The following COL25A1 variants were observed in gnomAD, a reference collection of about 807,000 sequenced individuals.
COL25A1 encodes the protein collagen type XXV alpha 1 chain, also known as collagen alpha-1(XXV) chain.
In COL25A1, 103 loss-of-function variants were observed where a neutral mutation model predicts 128.4. The ratio of observed to expected loss-of-function variants is 0.80; its 90% CI spans 0.68 to 0.94. The LOEUF is 0.94. Among genes scored for constraint, COL25A1 ranks in the 40% least tolerant of loss-of-function variants. The pLI is 0.00. For missense variants in COL25A1, 745 were observed against 840.0 expected (o/e 0.89, Z 1.40); for synonymous variants, 279 against 277.2 (o/e 1.01, Z -0.06).
At chr4:109,194,012 T>G (rs1008940882) in intron 3 of COL25A1, among the ~76,000 whole-genome samples, 1 of 152,212 alleles carries the variant, frequency 6.6e-6, no homozygotes, top group Non-Finnish European at 1.5e-5. Flanking sequence ...ACCATTCTCT[T>G]TATTTAAAAA....
chr4:108,897,312 CT>C (rs1331249638), intron 15 of COL25A1, among the ~76,000 whole-genome samples: 2 of 152,124 alleles, frequency 1.3e-5, no homozygotes, highest in Non-Finnish European at 2.9e-5. Context: ...ATAGTTTATG[CT>C]TTTTTTGTTG....
intron 6 of COL25A1, among the ~76,000 whole-genome samples, chr4:109,001,407 A>G (rs1755380124): frequency 1.3e-5 from 2 of 152,292 alleles, no homozygotes; most frequent in Non-Finnish European, 2.9e-5. Context: ...GGCATCTGAG[A>G]TCCTGTCAGG....
At chr4:108,921,737 C>T (rs1346632758) in intron 11 of COL25A1, among the ~76,000 whole-genome samples, 1 of 152,158 alleles carries the variant, frequency 6.6e-6, no homozygotes, top group African/African-American at 2.4e-5. Context: ...CTAACAGTTT[C>T]CTCATATAAT....
intron 3 of COL25A1, among the ~76,000 whole-genome samples, chr4:109,290,590 G>C (rs537630485): frequency 6.6e-6 from 1 of 152,126 alleles, no homozygotes; most frequent in South Asian, 2.1e-4. Flanking sequence ...ATGTCTATAG[G>C]GGTTGGGAAG....
intron 3 of COL25A1, among the ~76,000 whole-genome samples, chr4:109,126,943 ACTT>A (rs1768681779): frequency 6.6e-6 from 1 of 152,034 alleles, no homozygotes; most frequent in African/African-American, 2.4e-5. Context: ...GTCTCTCTTT[ACTT>A]CTTCACTTCC....
chr4:109,128,949 T>G (rs1768897358), intron 3 of COL25A1, among the ~76,000 whole-genome samples: 1 of 152,180 alleles, frequency 6.6e-6, no homozygotes, highest in African/African-American at 2.4e-5. Flanking sequence ...GTCAGGAATT[T>G]CTGAACTGAA....
intron 11 of COL25A1, among the ~76,000 whole-genome samples, chr4:108,934,498 A>C (rs1271021309): frequency 1.3e-5 from 2 of 152,088 alleles, no homozygotes; most frequent in East Asian, 3.9e-4. Context: ...AATAATAATA[A>C]AAGAGAAAAA....
At chr4:108,942,106 A>C in intron 8 of COL25A1, 1 of 1,144,542 alleles carries the variant, frequency 8.7e-7, no homozygotes, top group Non-Finnish European at 1.3e-6. Flanking sequence ...GATATATACC[A>C]TGAGAGGAAG....
chr4:109,261,291 C>T (rs1244912112), intron 3 of COL25A1, among the ~76,000 whole-genome samples: 2 of 152,016 alleles, frequency 1.3e-5, no homozygotes, highest in African/African-American at 2.4e-5. Context: ...GGCAGGCAAG[C>T]GGGTCACTTG....
At chr4:109,214,551 A>T (rs923256163) in intron 3 of COL25A1, among the ~76,000 whole-genome samples, 9 of 151,962 alleles carry the variant, frequency 5.9e-5, no homozygotes, top group African/African-American at 2.2e-4. Context: ...TTAAATATAC[A>T]TTTTTTTATT....
chr4:108,847,977 A>G (rs1735310519), intron 27 of COL25A1, among the ~76,000 whole-genome samples: 1 of 152,134 alleles, frequency 6.6e-6, no homozygotes. Flanking sequence ...AAGATCTTGA[A>G]ATTAACCCTT....
Position 108,869,551 on chromosome 4 carries a change from G to A in COL25A1, c.1021-401C>T, listed in dbSNP as rs542088264. ...CCTTAAATCTGTTTGATACCAACCA[G>A]GGGAGTTAGTGCCAGAATAGGATCG... On this transcript the variant is annotated intron_variant, in intron 19 of 37. Transcript: ENST00000399132. Among the ~76,000 whole-genome samples the A allele has an allele frequency of 2.5e-4, 38 of 152,244 alleles. No homozygotes were observed. The South Asian group carries it at 7.9e-3, about 32-fold the overall frequency.
intron 23 of COL25A1, among the ~76,000 whole-genome samples, chr4:108,860,575 T>C (rs1737081957): frequency 6.6e-6 from 1 of 151,692 alleles, no homozygotes; most frequent in African/African-American, 2.4e-5. Flanking sequence ...ATAATTCCCT[T>C]TTTTTTTAAA....
At chr4:109,142,972 G>C (rs962382730) in intron 3 of COL25A1, among the ~76,000 whole-genome samples, 5 of 152,030 alleles carry the variant, frequency 3.3e-5, no homozygotes, top group African/African-American at 9.7e-5. Context: ...TGATTATTTT[G>C]CCCATTAGTT....
At chr4:108,861,225 C>T (rs576242692) in intron 22 of COL25A1, among the ~76,000 whole-genome samples, 23 of 152,266 alleles carry the variant, frequency 1.5e-4, no homozygotes, top group African/African-American at 5.3e-4. Flanking sequence ...GTAACTGTCT[C>T]ACTAGGTAGG....
At chr4:108,824,814 AT>A (rs1342224668) in intron 34 of COL25A1, among the ~76,000 whole-genome samples, 4 of 152,208 alleles carry the variant, frequency 2.6e-5, no homozygotes, top group African/African-American at 7.2e-5. Context: ...AAGGAAAAAA[AT>A]ATTGCATAAC....
chr4:108,957,208 G>T (rs947866836), intron 8 of COL25A1, among the ~76,000 whole-genome samples: 5 of 152,108 alleles, frequency 3.3e-5, no homozygotes, highest in African/African-American at 1.2e-4. Context: ...CATGAATACA[G>T]AACCAGGACG....
At chr4:109,072,781 A>G (rs1763079204) in intron 3 of COL25A1, among the ~76,000 whole-genome samples, 1 of 152,190 alleles carries the variant, frequency 6.6e-6, no homozygotes, top group South Asian at 2.1e-4. Flanking sequence ...TCAATCATAA[A>G]TTTCGCAATC....
At chr4:109,061,941 A>G (rs1762013913) in intron 3 of COL25A1, among the ~76,000 whole-genome samples, 3 of 152,206 alleles carry the variant, frequency 2.0e-5, no homozygotes, top group African/African-American at 7.2e-5. Context: ...GGGCCAATCC[A>G]AGACATGATT....
Sources: gnomAD v4.1 joint callset for allele counts (sites outside exome capture counted in the v4.1 genomes callset) on GRCh38, gnomAD v4.1.1 for gene constraint, MANE v1.5 for transcripts, NCBI Gene and HGNC (gene_info 2026-07-23, HGNC 2026-07-21) for gene names.